The following ARID2 variants were observed in gnomAD, a reference collection of about 807,000 sequenced individuals.
The protein encoded by ARID2 is AT-rich interactive domain-containing protein 2.
ARID2 carries 32 observed loss-of-function variants against 184.6 expected under a neutral mutation model. The observed-to-expected ratio is 0.17, with a 90% confidence interval of 0.13 to 0.23. ARID2 has a LOEUF of 0.23. Ranked by LOEUF, ARID2 falls within the 10% of genes least tolerant of loss-of-function variation. ARID2 has a pLI of 1.00. For missense variants in ARID2, 1,696 were observed against 2,197.6 expected (o/e 0.77, Z 4.56); for synonymous variants, 836 against 772.6 (o/e 1.08, Z -1.36).
At position 45,858,687 on chromosome 12, in the gene ARID2, A is replaced by G. The variant is rs561881179; in HGVS notation, c.4774-2114A>G. Among the ~76,000 whole-genome samples, 3 of 152,302 alleles carry G rather than the reference A, an allele frequency of 2.0e-5. No individual in the cohort carries two copies. The East Asian group carries it at 5.8e-4, about 29-fold the overall frequency. On this transcript the variant is annotated intron_variant, in intron 15 of 20. Coordinates refer to ENST00000334344, the MANE Select transcript of ARID2 (RefSeq NM_152641.4). Reference sequence around the variant, plus strand: ...TCATAAGTTAGTTTTTATTACTTACACTTTACAGATGAGAAAACTGAGGAT... The same window carrying G: ...TCATAAGTTAGTTTTTATTACTTACGCTTTACAGATGAGAAAACTGAGGAT...
intron 16 of ARID2, among the ~76,000 whole-genome samples, chr12:45,874,720 C>G (rs775815641): frequency 6.6e-6 from 1 of 152,190 alleles, no homozygotes; most frequent in Non-Finnish European, 1.5e-5. Flanking sequence ...CACGAATGTT[C>G]TTAGTGGCAA....
intron 4 of ARID2, among the ~76,000 whole-genome samples, chr12:45,811,957 T>A (rs1164111739): frequency 6.6e-6 from 1 of 152,144 alleles, no homozygotes; most frequent in Non-Finnish European, 1.5e-5. Flanking sequence ...ATGTTTCTGA[T>A]TATTCTATTT....
At chr12:45,820,274 A>T (rs564899673) in intron 5 of ARID2, among the ~76,000 whole-genome samples, 1 of 152,326 alleles carries the variant, frequency 6.6e-6, no homozygotes, top group East Asian at 1.9e-4. Context: ...ATTAGTAAAT[A>T]TAATTTATGT....
intron 11 of ARID2, among the ~76,000 whole-genome samples, chr12:45,846,652 T>C (rs1943446874): frequency 6.6e-6 from 1 of 152,158 alleles, no homozygotes; most frequent in African/African-American, 2.4e-5. Flanking sequence ...AAATAGTTCA[T>C]ATGAATCCTC....
chr12:45,771,244 A>G (rs1407139731), intron 3 of ARID2, among the ~76,000 whole-genome samples: 1 of 151,820 alleles, frequency 6.6e-6, no homozygotes, highest in East Asian at 1.9e-4. Flanking sequence ...TGTGATCCCA[A>G]CTACTCAGGA....
intron 3 of ARID2, 39 bp from the exon 4 acceptor site, chr12:45,811,378 TC>T: frequency 2.5e-6 from 4 of 1,573,710 alleles, no homozygotes; most frequent in Non-Finnish European, 3.5e-6. Context: ...AAGATATAAA[TC>T]TATTTTTAAA....
At chr12:45,869,153 A>C (rs1943877502) in intron 16 of ARID2, among the ~76,000 whole-genome samples, 1 of 151,732 alleles carries the variant, frequency 6.6e-6, no homozygotes, top group South Asian at 2.1e-4. Context: ...AGTAGCTGGG[A>C]TTACAGGCAC....
At chr12:45,743,976 T>C (rs376570368) in intron 3 of ARID2, among the ~76,000 whole-genome samples, 3 of 152,282 alleles carry the variant, frequency 2.0e-5, no homozygotes, top group South Asian at 4.1e-4. Context: ...TAAATTGTTT[T>C]ATAGTTTTGA....
chr12:45,863,024 C>T (rs914300040), intron 16 of ARID2, among the ~76,000 whole-genome samples: 2 of 152,090 alleles, frequency 1.3e-5, no homozygotes, highest in African/African-American at 4.8e-5. Flanking sequence ...ACTCCCAGTC[C>T]TGAGGGACAC....
At chr12:45,748,901 G>C (rs1941408877) in intron 3 of ARID2, among the ~76,000 whole-genome samples, 3 of 152,112 alleles carry the variant, frequency 2.0e-5, no homozygotes, top group African/African-American at 7.2e-5. Context: ...TCTAATTCTA[G>C]TTCTTTTGCC....
At chr12:45,848,663 G>A (rs1195456026) in intron 12 of ARID2, among the ~76,000 whole-genome samples, 173 bp from the exon 13 acceptor site, 1 of 151,962 alleles carries the variant, frequency 6.6e-6, no homozygotes, top group Non-Finnish European at 1.5e-5. Context: ...TTAATCTATT[G>A]ATTTAATCTA....
At chr12:45,844,917 A>T (rs1005429560) in intron 11 of ARID2, among the ~76,000 whole-genome samples, 2 of 152,208 alleles carry the variant, frequency 1.3e-5, no homozygotes, top group African/African-American at 4.8e-5. Context: ...GAGAGAAAAA[A>T]TTATCAAAGA....
At chr12:45,838,654 C>G (rs1236886856) in intron 10 of ARID2, among the ~76,000 whole-genome samples, 2 of 151,996 alleles carry the variant, frequency 1.3e-5, no homozygotes, top group Non-Finnish European at 2.9e-5. Flanking sequence ...TAGTTCCCAG[C>G]TGCTTGGGAG....
chr12:45,821,538 C>A, intron 6 of ARID2, 51 bp downstream of exon 6: 1 of 1,169,428 alleles, frequency 8.6e-7, no homozygotes, highest in Non-Finnish European at 1.2e-6. Context: ...TGCAGCTAAG[C>A]CAACAATAGA....
At chr12:45,798,075 T>A (rs1942424090) in intron 3 of ARID2, among the ~76,000 whole-genome samples, 1 of 152,174 alleles carries the variant, frequency 6.6e-6, no homozygotes, top group Non-Finnish European at 1.5e-5. Context: ...AAATACACCA[T>A]ATACACAGTT....
intron 15 of ARID2, among the ~76,000 whole-genome samples, chr12:45,860,170 A>G (rs1422827095): frequency 1.3e-5 from 2 of 152,234 alleles, no homozygotes; most frequent in East Asian, 1.9e-4. Flanking sequence ...ATAGTGAGCT[A>G]TGATTATGCC....
At chr12:45,730,171 G>A (rs775169446) in intron 2 of ARID2, 34 bp downstream of exon 2, 3 of 1,604,446 alleles carry the variant, frequency 1.9e-6, no homozygotes, top group African/African-American at 2.7e-5. Context: ...TTTCCCTCTC[G>A]CTGGCCTCCT....
At chr12:45,896,539 GT>G (rs1229380976) in intron 20 of ARID2, among the ~76,000 whole-genome samples, 3 of 152,090 alleles carry the variant, frequency 2.0e-5, no homozygotes, top group African/African-American at 7.2e-5. Context: ...AAGCTCTCTT[GT>G]TTGCCACCAT....
intron 20 of ARID2, chr12:45,904,310 T>A (rs750704074): frequency 9.8e-6 from 7 of 715,614 alleles, no homozygotes. Flanking sequence ...CCTCTCCAGC[T>A]GTTTTCTGAC....
Sources: allele counts gnomAD v4.1 joint callset (sites outside exome capture counted in the v4.1 genomes callset), GRCh38; gene constraint gnomAD v4.1.1; transcripts MANE v1.5; gene names NCBI Gene and HGNC (gene_info 2026-07-23, HGNC 2026-07-21).